The following FHOD3 variants were observed in gnomAD, a reference collection of about 807,000 sequenced individuals.
The protein encoded by FHOD3 is formin homology 2 domain containing 3.
In FHOD3, 90 loss-of-function variants were observed where a neutral mutation model predicts 173.0. The observed-to-expected ratio is 0.52, with a 90% confidence interval of 0.44 to 0.62. The LOEUF is 0.62. FHOD3 is among the 20% of genes least tolerant of loss of function. The pLI is 0.00. For missense variants in FHOD3, 1,945 were observed against 2,034.7 expected (o/e 0.96, Z 0.85); for synonymous variants, 828 against 823.0 (o/e 1.01, Z -0.10).
At chr18:36,338,914 A>G (rs572448048) in intron 1 of FHOD3, among the ~76,000 whole-genome samples, 6 of 152,232 alleles carry the variant, frequency 3.9e-5, no homozygotes, top group Admixed American at 2.0e-4. Flanking sequence ...GTGACAAAGT[A>G]GGAAGGAGAG....
At chr18:36,494,953 T>C (rs2054664112) in intron 3 of FHOD3, among the ~76,000 whole-genome samples, 1 of 152,146 alleles carries the variant, frequency 6.6e-6, no homozygotes, top group South Asian at 2.1e-4. Flanking sequence ...GCAACTCTGA[T>C]GTGACAGCCC....
intron 6 of FHOD3, among the ~76,000 whole-genome samples, chr18:36,586,823 T>C (rs1476881168): frequency 1.3e-5 from 2 of 152,128 alleles, no homozygotes; most frequent in African/African-American, 4.8e-5. Context: ...CTTGAATATC[T>C]GAAGAGAAAG....
At chr18:36,597,458 ACT>A (rs1001479459) in intron 7 of FHOD3, among the ~76,000 whole-genome samples, 40 of 151,980 alleles carry the variant, frequency 2.6e-4, no homozygotes, top group African/African-American at 9.6e-4. Flanking sequence ...ATGGAGTCTC[ACT>A]CTGTTGCCCA....
intron 3 of FHOD3, among the ~76,000 whole-genome samples, chr18:36,386,196 C>T (rs1881483126): frequency 6.6e-6 from 1 of 152,146 alleles, no homozygotes; most frequent in African/African-American, 2.4e-5. Flanking sequence ...TCAGATGACC[C>T]AGTATCTGGA....
chr18:36,552,997 A>G (rs975151240), intron 5 of FHOD3, among the ~76,000 whole-genome samples: 2 of 152,186 alleles, frequency 1.3e-5, no homozygotes, highest in African/African-American at 4.8e-5. Flanking sequence ...TGTCCCATCA[A>G]TACCTAGTTT....
chr18:36,528,550 C>T (rs577596568), intron 5 of FHOD3, among the ~76,000 whole-genome samples: 22 of 152,184 alleles, frequency 1.4e-4, no homozygotes, highest in Non-Finnish European at 3.1e-4. Flanking sequence ...AAGGTGACAA[C>T]CTGGATACAT....
chr18:36,740,874 T>C, intron 21 of FHOD3, 36 bp downstream of exon 21: 1 of 1,581,900 alleles, frequency 6.3e-7, no homozygotes, highest in Non-Finnish European at 8.6e-7. Context: ...TGATCCCACA[T>C]CCACAGTGTT....
chr18:36,590,138 T>C (rs1378512073), intron 6 of FHOD3, among the ~76,000 whole-genome samples: 1 of 152,198 alleles, frequency 6.6e-6, no homozygotes, highest in East Asian at 1.9e-4. Context: ...CCGATTTGCC[T>C]CTTCTCAGCA....
intron 10 of FHOD3, among the ~76,000 whole-genome samples, chr18:36,645,074 G>A (rs1034144581): frequency 6.6e-6 from 1 of 152,108 alleles, no homozygotes; most frequent in Non-Finnish European, 1.5e-5. Flanking sequence ...GGCAGCTGTG[G>A]GAGCACATGG....
intron 3 of FHOD3, among the ~76,000 whole-genome samples, chr18:36,406,770 G>T (rs1451695844): frequency 2.0e-5 from 3 of 152,204 alleles, no homozygotes; most frequent in Non-Finnish European, 2.9e-5. Context: ...TCATGGACTG[G>T]TAAAGAGAAG....
chr18:36,644,476 G>T (rs1050152209), intron 10 of FHOD3, among the ~76,000 whole-genome samples: 1 of 152,196 alleles, frequency 6.6e-6, no homozygotes, highest in Non-Finnish European at 1.5e-5. Flanking sequence ...TATAGGCAAG[G>T]CCAGTGATCT....
intron 5 of FHOD3, among the ~76,000 whole-genome samples, chr18:36,535,604 A>C (rs1326113530): frequency 1.3e-5 from 2 of 152,216 alleles, no homozygotes; most frequent in Admixed American, 6.5e-5. Context: ...TCTGACTTGG[A>C]GTATACTTTA....
intron 10 of FHOD3, among the ~76,000 whole-genome samples, chr18:36,647,040 C>T (rs1333350715): frequency 6.6e-6 from 1 of 152,110 alleles, no homozygotes; most frequent in Non-Finnish European, 1.5e-5. Context: ...AGTTTGAGAC[C>T]AGCCTGGCCA....
intron 5 of FHOD3, among the ~76,000 whole-genome samples, chr18:36,559,805 C>T (rs1243443567): frequency 1.3e-5 from 2 of 152,210 alleles, no homozygotes; most frequent in Middle Eastern, 3.4e-3. Context: ...ATTGCTAGGG[C>T]CCCTCCCAAG....
At chr18:36,485,029 C>T (rs1219621510) in intron 3 of FHOD3, among the ~76,000 whole-genome samples, 1 of 152,170 alleles carries the variant, frequency 6.6e-6, no homozygotes, top group African/African-American at 2.4e-5. Flanking sequence ...CTTCTATCTG[C>T]TCTACAATGA....
At chr18:36,507,427 A>G (rs1159133836) in intron 4 of FHOD3, among the ~76,000 whole-genome samples, 1 of 152,252 alleles carries the variant, frequency 6.6e-6, no homozygotes, top group Non-Finnish European at 1.5e-5. Flanking sequence ...GTTCCAAAAT[A>G]TAAAAACAAT....
chr18:36,725,570 G>A (rs2041019481), intron 19 of FHOD3, among the ~76,000 whole-genome samples: 3 of 152,144 alleles, frequency 2.0e-5, no homozygotes, highest in African/African-American at 7.2e-5. Context: ...AGGCAGCAGG[G>A]TGGTATCATA....
rs371605111 is a variant in FHOD3, at chr18:36,365,656, G to C, written c.273-7024G>C. Among the ~76,000 whole-genome samples the C allele has an allele frequency of 2.1e-3, 318 of 152,236 alleles. 3 individuals are homozygous for C. The highest frequency in any genetic ancestry group is 7.3e-3 in the African/African-American group (304 of 41,530). The stretch of plus-strand genomic sequence containing the variant: ...ATCAGTGGATTATATCCATAAAACA[G>C]GTGGGTTTTATGGTACCTAAATTAT... On this transcript the variant is annotated intron_variant, in intron 2 of 28. Coordinates refer to ENST00000590592, the MANE Select transcript of FHOD3 (RefSeq NM_001281740.3).
chr18:36,669,280 A>C (rs908313641), intron 14 of FHOD3, among the ~76,000 whole-genome samples: 1 of 151,994 alleles, frequency 6.6e-6, no homozygotes, highest in African/African-American at 2.4e-5. Context: ...CAGCTTTAAA[A>C]AAAATAGTAT....
Sources: allele counts gnomAD v4.1 joint callset (sites outside exome capture counted in the v4.1 genomes callset), GRCh38; gene constraint gnomAD v4.1.1; transcripts MANE v1.5; gene names NCBI Gene and HGNC (gene_info 2026-07-23, HGNC 2026-07-21).